RBFOX1: variants seen among roughly 807,000 people sequenced by gnomAD.
RBFOX1 encodes RNA binding protein fox-1 homolog 1.
RBFOX1 carries 8 observed loss-of-function variants against 57.7 expected under a neutral mutation model. That is an observed-to-expected ratio of 0.14 (90% CI 0.08 to 0.25). The LOEUF is 0.25. RBFOX1 is among the 10% of genes least tolerant of loss of function. The pLI is 1.00. For missense variants in RBFOX1, 611 were observed against 548.5 expected (o/e 1.11, Z -1.14); for synonymous variants, 326 against 222.4 (o/e 1.47, Z -4.15).
At chr16:6,873,026 G>C (rs1294788336) in intron 3 of RBFOX1, among the ~76,000 whole-genome samples, 1 of 151,824 alleles carries the variant, frequency 6.6e-6, no homozygotes, top group Non-Finnish European at 1.5e-5. Context: ...ATACTGCAGT[G>C]TGTTCTATAT....
chr16:6,665,445 C>T (rs755631516), intron 3 of RBFOX1, among the ~76,000 whole-genome samples: 2 of 152,114 alleles, frequency 1.3e-5, no homozygotes, highest in South Asian at 2.1e-4. Flanking sequence ...GAAACCCCAT[C>T]GCTGCTAAAA....
intron 4 of RBFOX1, among the ~76,000 whole-genome samples, chr16:7,415,266 G>A (rs939044690): frequency 1.3e-5 from 2 of 152,282 alleles, no homozygotes; most frequent in Admixed American, 6.5e-5. Context: ...CATCTGATAT[G>A]CATCCAATGA....
intron 2 of RBFOX1, among the ~76,000 whole-genome samples, chr16:6,475,705 C>A (rs1324851355): frequency 6.6e-6 from 1 of 152,202 alleles, no homozygotes; most frequent in Admixed American, 6.5e-5. Context: ...TCTAATCCTG[C>A]AAACTTTCAA....
intron 4 of RBFOX1, among the ~76,000 whole-genome samples, chr16:5,921,359 T>C (rs1305517115): frequency 6.6e-6 from 1 of 152,174 alleles, no homozygotes; most frequent in African/African-American, 2.4e-5. Context: ...AATTTTTGTA[T>C]AAATTACTTA....
At chr16:6,012,914 C>T (rs1033682187) in intron 4 of RBFOX1, among the ~76,000 whole-genome samples, 51 of 152,292 alleles carry the variant, frequency 3.3e-4, no homozygotes, top group African/African-American at 1.2e-3. Context: ...TGATAACAAT[C>T]TTCTAGATCA....
chr16:6,057,300 T>G (rs949138674), intron 1 of RBFOX1, among the ~76,000 whole-genome samples: 6 of 149,342 alleles, frequency 4.0e-5, no homozygotes, highest in African/African-American at 1.5e-4. Context: ...ATGACCTGGG[T>G]TTTTTTTTTC....
chr16:6,881,584 A>T (rs996292659), intron 3 of RBFOX1, among the ~76,000 whole-genome samples: 1 of 152,182 alleles, frequency 6.6e-6, no homozygotes, highest in South Asian at 2.1e-4. Context: ...CTCCAGTCAT[A>T]CTGGCTTACA....
At chr16:5,677,153 G>A (rs1567383534) in intron 3 of RBFOX1, among the ~76,000 whole-genome samples, 1 of 152,208 alleles carries the variant, frequency 6.6e-6, no homozygotes, top group Non-Finnish European at 1.5e-5. Flanking sequence ...TTGAACCCAG[G>A]CCTCTGATGT....
intron 1 of RBFOX1, among the ~76,000 whole-genome samples, chr16:6,245,344 T>C (rs974874525): frequency 1.3e-5 from 2 of 152,208 alleles, no homozygotes; most frequent in African/African-American, 4.8e-5. Context: ...CTTGAGGATA[T>C]TGATAATGGC....
chr16:5,578,103 C>T (rs2046529816), intron 2 of RBFOX1, among the ~76,000 whole-genome samples: 1 of 152,170 alleles, frequency 6.6e-6, no homozygotes, highest in Non-Finnish European at 1.5e-5. Flanking sequence ...AGGTGCGTGC[C>T]ACCACACCCA....
chr16:6,569,897 T>A (rs1254313860), intron 2 of RBFOX1, among the ~76,000 whole-genome samples: 1 of 152,198 alleles, frequency 6.6e-6, no homozygotes, highest in African/African-American at 2.4e-5. Context: ...AATCCCCTAA[T>A]GTGTTTGCTA....
intron 3 of RBFOX1, among the ~76,000 whole-genome samples, chr16:7,011,068 ATTT>A (rs200444462): frequency 1.0e-4 from 15 of 145,424 alleles, no homozygotes; most frequent in African/African-American, 3.8e-4. Flanking sequence ...AAGCAAATTC[ATTT>A]TTTTTTTTTT....
chr16:7,125,184 G>C (rs1270738816), intron 4 of RBFOX1, among the ~76,000 whole-genome samples: 4 of 152,132 alleles, frequency 2.6e-5, no homozygotes, highest in Non-Finnish European at 4.4e-5. Context: ...TAAGGGCTTG[G>C]GGGACGGGCC....
At chr16:7,415,240 G>T (rs566054241) in intron 4 of RBFOX1, among the ~76,000 whole-genome samples, 1 of 152,180 alleles carries the variant, frequency 6.6e-6, no homozygotes, top group East Asian at 1.9e-4. Context: ...GGGTATTAAG[G>T]TTTTCTCAGA....
At chr16:6,708,145 C>G (rs80184650) in intron 3 of RBFOX1, among the ~76,000 whole-genome samples, 1 of 152,062 alleles carries the variant, frequency 6.6e-6, no homozygotes, top group Non-Finnish European at 1.5e-5. Context: ...GCTTGGGGAG[C>G]GGGGGATGTT....
intron 5 of RBFOX1, among the ~76,000 whole-genome samples, chr16:7,535,055 C>T (rs551965568): frequency 8.7e-4 from 133 of 152,170 alleles, no homozygotes; most frequent in Non-Finnish European, 1.5e-3. Context: ...ATAATAGGAG[C>T]ATAACTAACA....
At chr16:5,921,252 T>G (rs1487008741) in intron 4 of RBFOX1, among the ~76,000 whole-genome samples, 1 of 152,204 alleles carries the variant, frequency 6.6e-6, no homozygotes, top group Non-Finnish European at 1.5e-5. Context: ...TAGCTTCTCA[T>G]GTGACCAGGA....
intron 3 of RBFOX1, among the ~76,000 whole-genome samples, chr16:7,008,579 C>G (rs898049882): frequency 6.6e-6 from 1 of 151,620 alleles, no homozygotes; most frequent in African/African-American, 2.4e-5. Context: ...GTAAATAATT[C>G]AAGAAATTCA....
intron 1 of RBFOX1, among the ~76,000 whole-genome samples, chr16:5,344,501 A>G (rs181359309): frequency 1.2e-3 from 183 of 152,270 alleles, no homozygotes; most frequent in East Asian, 1.9e-3. Flanking sequence ...TCCCTCCCCA[A>G]TTCAAAACTT....
Sources: gnomAD v4.1 joint callset for allele counts (sites outside exome capture counted in the v4.1 genomes callset) on GRCh38, gnomAD v4.1.1 for gene constraint, MANE v1.5 for transcripts, NCBI Gene and HGNC (gene_info 2026-07-23, HGNC 2026-07-21) for gene names.